Variants in PPFIBP1 observed in about 807,000 individuals in gnomAD.
The protein encoded by PPFIBP1 is PPFIB scaffold protein 1.
A neutral mutation model predicts 137.8 loss-of-function variants in PPFIBP1; 112 were observed. The observed-to-expected ratio is 0.81, with a 90% confidence interval of 0.70 to 0.95. PPFIBP1 has a LOEUF of 0.95. Among genes scored for constraint, PPFIBP1 ranks in the 40% least tolerant of loss-of-function variants. PPFIBP1 has a pLI of 0.00. For missense variants in PPFIBP1, 1,083 were observed against 1,196.6 expected, an observed-to-expected ratio of 0.91 and a Z score of 1.40; for synonymous variants, 378 against 417.3, an observed-to-expected ratio of 0.91 and a Z score of 1.15.
intron 1 of PPFIBP1, among the ~76,000 whole-genome samples, chr12:27,550,470 C>T (rs1269444088): frequency 6.6e-6 from 1 of 152,200 alleles, no homozygotes; most frequent in Non-Finnish European, 1.5e-5. Context: ...TCCTAACCAT[C>T]TCCTGTACAC....
intron 1 of PPFIBP1, among the ~76,000 whole-genome samples, chr12:27,540,470 A>G (rs1224514517): frequency 6.6e-6 from 1 of 152,168 alleles, no homozygotes; most frequent in Non-Finnish European, 1.5e-5. Context: ...AAAAAAAAAA[A>G]AAAGTGATCT....
intron 24 of PPFIBP1, among the ~76,000 whole-genome samples, chr12:27,684,307 C>T (rs1273529033): frequency 6.6e-6 from 1 of 151,744 alleles, no homozygotes; most frequent in East Asian, 1.9e-4. Context: ...TGGAGTTTCG[C>T]CATGTTGGCC....
At chr12:27,594,945 T>A (rs1273683996) in intron 2 of PPFIBP1, among the ~76,000 whole-genome samples, 1 of 152,228 alleles carries the variant, frequency 6.6e-6, no homozygotes, top group African/African-American at 2.4e-5. Context: ...ACTCTGCAAT[T>A]GTTAATTCTT....
chr12:27,692,165 A>G (rs889306895), intron 28 of PPFIBP1, among the ~76,000 whole-genome samples: 1 of 152,158 alleles, frequency 6.6e-6, no homozygotes, highest in African/African-American at 2.4e-5. Context: ...CATTTTGGAG[A>G]TAAGGAAACT....
intron 2 of PPFIBP1, among the ~76,000 whole-genome samples, chr12:27,606,564 T>C (rs1221476727): frequency 6.6e-6 from 1 of 152,206 alleles, no homozygotes; most frequent in Non-Finnish European, 1.5e-5. Context: ...AATGAATACA[T>C]CCAGGAGAAA....
chr12:27,680,728 T>C (rs1169787612), intron 21 of PPFIBP1, among the ~76,000 whole-genome samples: 1 of 152,222 alleles, frequency 6.6e-6, no homozygotes, highest in African/African-American at 2.4e-5. Flanking sequence ...AACCAAAGTT[T>C]AGGGCTGGCT....
intron 2 of PPFIBP1, among the ~76,000 whole-genome samples, chr12:27,633,157 A>G (rs1565904822): frequency 1.3e-5 from 2 of 152,100 alleles, no homozygotes; most frequent in South Asian, 4.2e-4. Flanking sequence ...AAGTGCAAGA[A>G]TGGAATCTTC....
At chr12:27,564,913 G>A (rs1474989308) in intron 1 of PPFIBP1, among the ~76,000 whole-genome samples, 1 of 152,158 alleles carries the variant, frequency 6.6e-6, no homozygotes, top group Non-Finnish European at 1.5e-5. Context: ...CCTGTCTTAT[G>A]CCATGACTGC....
chr12:27,582,667 T>C (rs1293638591), intron 2 of PPFIBP1, among the ~76,000 whole-genome samples: 2 of 152,182 alleles, frequency 1.3e-5, no homozygotes, highest in Non-Finnish European at 2.9e-5. Context: ...CCAGAGCTGC[T>C]TCAGCCAAGA....
chr12:27,673,871 A>G, intron 16 of PPFIBP1, 44 bp downstream of exon 16: 1 of 1,497,586 alleles, frequency 6.7e-7, no homozygotes, highest in South Asian at 1.2e-5. Context: ...TTATCCTGAG[A>G]AAAAACTATT....
In PPFIBP1 at chr12:27,693,065, GAC is replaced by G; in HGVS notation, c.*186_*187del. ...ATTCTGAAGTTGCCACAAAAAATAAGACACTGGTGAATGAGAGTATAATTGTT... is the reference window on the plus strand; with the variant it reads ...ATTCTGAAGTTGCCACAAAAAATAAGACTGGTGAATGAGAGTATAATTGTT... On this transcript the variant is annotated 3_prime_UTR_variant, in exon 30 of 30. Coordinates refer to ENST00000228425, the MANE Select transcript of PPFIBP1 (RefSeq NM_003622.4). The G allele has an allele frequency of 1.2e-6, 1 of 813,678 alleles. No individual in the cohort carries two copies. Among genetic ancestry groups the G allele is most frequent in the South Asian group, 2.4e-5 (1 of 41,922 alleles). 50.4% of individuals were successfully genotyped at this position (813,678 alleles called of 1,614,324 possible). A position where few individuals can be genotyped will look rare whatever the true frequency, so the allele number is the denominator to read the frequency against.
chr12:27,635,198 C>T, intron 4 of PPFIBP1, 83 bp downstream of exon 4: 1 of 1,400,576 alleles, frequency 7.1e-7, no homozygotes, highest in Non-Finnish European at 1.0e-6. Flanking sequence ...CTGATTAGAA[C>T]AAGAAAAGTT....
chr12:27,633,522 C>T, intron 3 of PPFIBP1, 62 bp downstream of exon 3: 1 of 1,355,708 alleles, frequency 7.4e-7, no homozygotes, highest in Non-Finnish European at 1.0e-6. Flanking sequence ...GGCTTTTTCA[C>T]TACAACTTTC....
intron 2 of PPFIBP1, among the ~76,000 whole-genome samples, chr12:27,626,470 G>A (rs527379007): frequency 1.1e-4 from 17 of 152,244 alleles, no homozygotes; most frequent in African/African-American, 3.4e-4. Flanking sequence ...GATTGAGTGC[G>A]CCTCAGAGCC....
Position 27,672,474 on chromosome 12 carries a change from A to T in PPFIBP1, c.1310A>T (p.Asp437Val). 1.2e-6 allele frequency: 2 copies of T among 1,606,158 alleles called. No individual in the cohort carries two copies. Among genetic ancestry groups the T allele is most frequent in the Non-Finnish European group, 1.7e-6 (2 of 1,173,332 alleles). Residue 437 changes from aspartate (D) to valine (V), a missense_variant, in exon 15 of 30, where the codon GAT (aspartate) becomes GTT (valine). Physicochemically the swap from Asp to Val is radical, Grantham distance 152. Transcript: ENST00000228425. The stretch of plus-strand genomic sequence containing the variant: ...GCCACTGTTGATACCCAACTGTGTG[A>T]TAAACTTTTGTAAGTTACATTTTAT... ...LGATVDTQLCDKLLTSSLQKS... is the reference protein window; with the variant it reads ...LGATVDTQLCVKLLTSSLQKS...
chr12:27,676,409 ATTC>A lies in PPFIBP1; in HGVS notation c.1411-16_1411-14del. 6.8e-7 allele frequency: 1 copy of A among 1,463,246 alleles called. No individual in the cohort carries two copies. 90.6% of individuals were successfully genotyped at this position (1,463,246 alleles called of 1,614,324 possible). A position where few individuals can be genotyped will look rare whatever the true frequency, so the allele number is the denominator to read the frequency against. On this transcript the variant is annotated splice_polypyrimidine_tract_variant and intron_variant, in intron 17 of 29. Transcript: ENST00000228425. ...TGCTGCACCTGAGAGCTGTTTCACT[ATTC>A]TTATTTGCCTCTCAGGACAGAGCTC...
In PPFIBP1 at chr12:27,673,754, C is replaced by T; in HGVS notation, c.1320-13C>T. On this transcript the variant is annotated splice_polypyrimidine_tract_variant and intron_variant, in intron 15 of 29. Coordinates refer to ENST00000228425, the MANE Select transcript of PPFIBP1 (RefSeq NM_003622.4). The stretch of plus-strand genomic sequence containing the variant: ...AGCCACTTATTATTAATTGTTATTA[C>T]TGTTATTTTTAGAACTTCAAGTCTG... The T allele has an allele frequency of 6.2e-7, 1 of 1,608,988 alleles. No individual in the cohort carries two copies. The highest frequency in any genetic ancestry group is 1.1e-5 in the South Asian group (1 of 90,656).
rs180872691 is a variant in PPFIBP1, at chr12:27,684,524, T to G, written c.2247+1821T>G. Among the ~76,000 whole-genome samples the G allele has an allele frequency of 9.2e-5, 14 of 152,314 alleles. No individual in the cohort carries two copies. The East Asian group carries it at 2.7e-3, about 29-fold the overall frequency. ...TAAACAGCCAACTTAAGTAGGCATT[T>G]CTCAATGTCAAAAAAATTTGGAGTT... On this transcript the variant is annotated intron_variant, in intron 24 of 29. Transcript: ENST00000228425.
chr12:27,572,372 TA>T (rs2050222287), intron 1 of PPFIBP1, among the ~76,000 whole-genome samples: 1 of 152,246 alleles, frequency 6.6e-6, no homozygotes, highest in Non-Finnish European at 1.5e-5. Flanking sequence ...TGGCAGACTT[TA>T]ATCATTTCAG....
Sources: gnomAD v4.1 joint callset for allele counts (sites outside exome capture counted in the v4.1 genomes callset) on GRCh38, gnomAD v4.1.1 for gene constraint, MANE v1.5 for transcripts, NCBI Gene and HGNC (gene_info 2026-07-23, HGNC 2026-07-21) for gene names.